MED12L: variants seen among roughly 807,000 people sequenced by gnomAD.
The protein encoded by MED12L is mediator of RNA polymerase II transcription subunit 12-like protein.
MED12L carries 60 observed loss-of-function variants against 281.3 expected under a neutral mutation model. The ratio of observed to expected loss-of-function variants is 0.21; its 90% confidence interval spans 0.17 to 0.26. The LOEUF (loss-of-function observed/expected upper bound fraction) is 0.26, where lower values mean the gene tolerates loss of function less well. Among genes scored for constraint, MED12L ranks in the 10% least tolerant of loss-of-function variants. The pLI is 1.00. For missense variants in MED12L, 2,146 were observed against 2,680.9 expected (o/e 0.80, Z 4.41); for synonymous variants, 974 against 987.2 (o/e 0.99, Z 0.25).
At chr3:151,169,107 T>G (rs1343094043) in intron 11 of MED12L, among the ~76,000 whole-genome samples, 9 of 127,128 alleles carry the variant, frequency 7.1e-5, no homozygotes, top group African/African-American at 1.3e-4. Flanking sequence ...TTTTTCTTTG[T>G]TTTTTTTTTT....
chr3:151,416,046 G>A (rs1329217607), intron 42 of MED12L, among the ~76,000 whole-genome samples: 4 of 152,144 alleles, frequency 2.6e-5, no homozygotes, highest in East Asian at 1.9e-4. Flanking sequence ...CCCGGACAGC[G>A]CAGTGTGGAA....
chr3:151,184,558 T>C (rs1262693785), intron 11 of MED12L, among the ~76,000 whole-genome samples: 7 of 152,168 alleles, frequency 4.6e-5, no homozygotes, highest in Admixed American at 4.6e-4. Context: ...CACACGGAAG[T>C]ACCATCTCCC....
At chr3:151,345,042 T>C (rs6801273) in intron 16 of MED12L, among the ~76,000 whole-genome samples, 63,859 of 152,102 alleles carry the variant, frequency 0.42, 14,059 homozygotes, top group African/African-American at 0.56. Flanking sequence ...TTTTAATTCG[T>C]GTAGTACAAC....
chr3:151,288,233 A>T (rs973199702), intron 16 of MED12L, among the ~76,000 whole-genome samples: 4 of 152,234 alleles, frequency 2.6e-5, no homozygotes, highest in Non-Finnish European at 5.9e-5. Flanking sequence ...CACAATTCTT[A>T]CACAGTGAAG....
intron 11 of MED12L, among the ~76,000 whole-genome samples, chr3:151,178,387 AC>A (rs1173142621): frequency 7.0e-6 from 1 of 143,810 alleles, no homozygotes; most frequent in Non-Finnish European, 1.5e-5. Flanking sequence ...TGTGCATGTT[AC>A]ATAGGAGTAA....
At chr3:151,269,397 TCACACACACACACACA>T (rs71801434) in intron 16 of MED12L, 24,843 of 144,768 alleles carry the variant, frequency 0.17, 2,447 homozygotes, top group Middle Eastern at 0.24. Flanking sequence ...TGAAACTCCA[TCACACACACACACACA>T]CACACACACA....
At chr3:151,255,318 T>G (rs928502016) in intron 16 of MED12L, among the ~76,000 whole-genome samples, 3 of 152,172 alleles carry the variant, frequency 2.0e-5, no homozygotes, top group Non-Finnish European at 4.4e-5. Flanking sequence ...TGACATGCAG[T>G]GTGACTTAAA....
intron 16 of MED12L, chr3:151,198,356 T>TTTTTTTTCA: frequency 8.8e-7 from 1 of 1,131,178 alleles, no homozygotes; most frequent in East Asian, 2.5e-5. Flanking sequence ...TTTTTTTTTT[T>TTTTTTTTCA]ATCTTTCAAA....
At chr3:151,246,580 G>T (rs968360141) in intron 16 of MED12L, among the ~76,000 whole-genome samples, 2 of 152,150 alleles carry the variant, frequency 1.3e-5, no homozygotes, top group African/African-American at 4.8e-5. Flanking sequence ...GTAGAAAGCT[G>T]AAACTGGATC....
chr3:151,240,163 T>C (rs550703592), intron 16 of MED12L, among the ~76,000 whole-genome samples: 6 of 152,292 alleles, frequency 3.9e-5, no homozygotes, highest in South Asian at 2.1e-4. Flanking sequence ...CCCCGTTTTT[T>C]AGAGTGTAGA....
chr3:151,207,728 A>G (rs940681836), intron 16 of MED12L, among the ~76,000 whole-genome samples: 14 of 152,188 alleles, frequency 9.2e-5, no homozygotes, highest in Admixed American at 3.3e-4. Flanking sequence ...GAAAGATTGC[A>G]GTCATTTTAA....
intron 16 of MED12L, among the ~76,000 whole-genome samples, chr3:151,291,391 G>C (rs1465315132): frequency 2.0e-5 from 3 of 151,978 alleles, no homozygotes; most frequent in Admixed American, 1.3e-4. Context: ...TTATGAAGTG[G>C]TTTAATGAAT....
At chr3:151,160,223 A>G in intron 8 of MED12L, 122 bp downstream of exon 8, 1 of 891,234 alleles carries the variant, frequency 1.1e-6, no homozygotes, top group Non-Finnish European at 1.7e-6. Context: ...TCACCCAAGT[A>G]ATTTATTGAT....
At chr3:151,264,164 G>A (rs1338978477) in intron 16 of MED12L, among the ~76,000 whole-genome samples, 1 of 152,154 alleles carries the variant, frequency 6.6e-6, no homozygotes, top group African/African-American at 2.4e-5. Context: ...AAAGATCTCT[G>A]TACTTGTATT....
At chr3:151,305,557 C>T (rs567036897) in intron 16 of MED12L, among the ~76,000 whole-genome samples, 1 of 152,140 alleles carries the variant, frequency 6.6e-6, no homozygotes, top group South Asian at 2.1e-4. Flanking sequence ...ATATTTCCAC[C>T]CCCGCCAGGT....
At chr3:151,351,495 G>T (rs1161792149) in intron 17 of MED12L, among the ~76,000 whole-genome samples, 1 of 152,144 alleles carries the variant, frequency 6.6e-6, no homozygotes, top group Admixed American at 6.5e-5. Flanking sequence ...TCTTGTTGAT[G>T]TGTCATTATT....
chr3:151,342,366 G>T (rs1432893123), intron 16 of MED12L, among the ~76,000 whole-genome samples: 4 of 152,186 alleles, frequency 2.6e-5, no homozygotes, highest in South Asian at 2.1e-4. Context: ...ACACGTTTTG[G>T]TTTTTTCTTC....
intron 16 of MED12L, chr3:151,300,299 G>C: frequency 3.3e-6 from 2 of 608,852 alleles, no homozygotes; most frequent in South Asian, 3.8e-5. Context: ...CCACGATTCA[G>C]AAAGCATGTG....
chr3:151,214,123 A>G (rs747257065), intron 16 of MED12L: 13 of 1,614,028 alleles, frequency 8.1e-6, no homozygotes, highest in South Asian at 4.4e-5. Context: ...AAAGTCAGCA[A>G]TAACAATGTT....
Sources: gnomAD v4.1 joint callset for allele counts (sites outside exome capture counted in the v4.1 genomes callset) on GRCh38, gnomAD v4.1.1 for gene constraint, MANE v1.5 for transcripts, NCBI Gene and HGNC (gene_info 2026-07-23, HGNC 2026-07-21) for gene names.